Variants in MYO16 observed in about 807,000 individuals in gnomAD.
The protein encoded by MYO16 is unconventional myosin-XVI.
A neutral mutation model predicts 205.3 loss-of-function variants in MYO16; 94 were observed. The observed-to-expected ratio is 0.46, with a 90% confidence interval of 0.39 to 0.54. The LOEUF (loss-of-function observed/expected upper bound fraction) is 0.54, where lower values mean the gene tolerates loss of function less well. Ranked by LOEUF, MYO16 falls within the 20% of genes least tolerant of loss-of-function variation. MYO16 has a pLI of 0.00. For missense variants in MYO16, 2,315 were observed against 2,387.5 expected, an observed-to-expected ratio of 0.97 and a Z score of 0.63; for synonymous variants, 988 against 954.0, an observed-to-expected ratio of 1.04 and a Z score of -0.66.
intron 2 of MYO16, among the ~76,000 whole-genome samples, chr13:108,712,373 G>A (rs1239483850): frequency 6.6e-6 from 1 of 152,212 alleles, no homozygotes; most frequent in Non-Finnish European, 1.5e-5. Flanking sequence ...TACAATGGAT[G>A]AATACACAAG....
chr13:108,675,285 CG>C (rs1566543455), intron 2 of MYO16, among the ~76,000 whole-genome samples: 2 of 152,122 alleles, frequency 1.3e-5, no homozygotes, highest in African/African-American at 4.8e-5. Context: ...TCTAGCCCTC[CG>C]GGGCAGGTTA....
chr13:108,935,373 G>A (rs905952286), intron 16 of MYO16, among the ~76,000 whole-genome samples: 1 of 151,878 alleles, frequency 6.6e-6, no homozygotes, highest in Non-Finnish European at 1.5e-5. Context: ...TTTGCATGTG[G>A]CATTTGTAAA....
intron 4 of MYO16, among the ~76,000 whole-genome samples, chr13:108,732,668 G>A (rs969277814): frequency 3.3e-5 from 5 of 152,186 alleles, no homozygotes; most frequent in Non-Finnish European, 7.3e-5. Context: ...GGTGATTAGG[G>A]AAGCCCTGGG....
chr13:108,875,650 A>G (rs138854056), intron 12 of MYO16, among the ~76,000 whole-genome samples: 149 of 152,282 alleles, frequency 9.8e-4, no homozygotes, highest in African/African-American at 3.3e-3. Flanking sequence ...AAAATTTGGC[A>G]TAAAGAGAAT....
At chr13:109,197,562 G>T (rs915867156) in intron 34 of MYO16, among the ~76,000 whole-genome samples, 2 of 152,078 alleles carry the variant, frequency 1.3e-5, no homozygotes, top group African/African-American at 4.8e-5. Flanking sequence ...CTCATTTTAG[G>T]CTCCAAGGAC....
At chr13:109,163,814 T>C (rs1193989828) in intron 32 of MYO16, 2 of 152,226 alleles carry the variant, frequency 1.3e-5, no homozygotes, top group African/African-American at 4.8e-5. Flanking sequence ...GGATAACATC[T>C]CTGCCTATGG....
chr13:109,192,431 C>A (rs1879961782), intron 34 of MYO16, among the ~76,000 whole-genome samples: 1 of 152,058 alleles, frequency 6.6e-6, no homozygotes, highest in Non-Finnish European at 1.5e-5. Flanking sequence ...GCATTTGTAC[C>A]CACATTATTT....
intron 4 of MYO16, among the ~76,000 whole-genome samples, chr13:108,742,570 A>T (rs1016352238): frequency 2.6e-5 from 4 of 152,198 alleles, no homozygotes; most frequent in African/African-American, 9.7e-5. Flanking sequence ...TCCAAGCACC[A>T]ATGCTCTATA....
At chr13:108,646,825 C>A (rs983671353) in intron 1 of MYO16, among the ~76,000 whole-genome samples, 2 of 152,032 alleles carry the variant, frequency 1.3e-5, no homozygotes, top group African/African-American at 4.8e-5. Flanking sequence ...ATTTTTACAG[C>A]TTTAAAATAT....
At chr13:108,685,621 C>T (rs1456683351) in intron 2 of MYO16, among the ~76,000 whole-genome samples, 3 of 152,166 alleles carry the variant, frequency 2.0e-5, no homozygotes, top group Admixed American at 2.0e-4. Context: ...CTTCAAATAT[C>T]CCGTTCTGGT....
chr13:108,793,068 G>T (rs996988564), intron 5 of MYO16, among the ~76,000 whole-genome samples: 1 of 152,080 alleles, frequency 6.6e-6, no homozygotes, highest in Non-Finnish European at 1.5e-5. Flanking sequence ...AGGATCACGA[G>T]GTCAGGATAT....
chr13:108,690,786 G>T lies in MYO16; in HGVS notation c.293-21875G>T, dbSNP rs150964066. 6.2e-3 allele frequency among the ~76,000 whole-genome samples: 942 copies of T among 152,152 alleles called. 6 individuals carry two copies. The highest frequency in any genetic ancestry group is 0.021 in the African/African-American group (861 of 41,516). On this transcript the variant is annotated intron_variant, in intron 2 of 34. Coordinates refer to ENST00000457511, the MANE Select transcript of MYO16 (RefSeq NM_001198950.3). ...CTGAAAAAAGTATAAGAATTTTCTT[G>T]TAATTATTTTGTTTCTAAAATAAAA... is the stretch of plus-strand genomic sequence containing the variant.
chr13:108,627,498 G>A (rs147381626), upstream of MYO16, among the ~76,000 whole-genome samples: 26 of 152,168 alleles, frequency 1.7e-4, no homozygotes, highest in Admixed American at 2.6e-4. Context: ...TTCATCTGAC[G>A]ATAAGCACTT....
intron 2 of MYO16, among the ~76,000 whole-genome samples, chr13:108,708,473 A>G (rs1883599317): frequency 3.9e-5 from 6 of 152,374 alleles, no homozygotes; most frequent in East Asian, 1.9e-4. Flanking sequence ...TCAAACTTAC[A>G]GAAAACTTTC....
intron 10 of MYO16, among the ~76,000 whole-genome samples, chr13:108,854,154 C>T (rs577755003): frequency 2.6e-5 from 4 of 152,076 alleles, no homozygotes; most frequent in East Asian, 3.9e-4. Context: ...CCACCATGCC[C>T]GGCTAATTTT....
At chr13:108,557,581 C>G in the MYO16 span, among the ~76,000 whole-genome samples, 2 of 152,144 alleles carry the variant, frequency 1.3e-5, no homozygotes, top group African/African-American at 4.8e-5. Context: ...ATCCTCTGAA[C>G]TGGGTCCTTG....
chr13:108,965,827 C>T (rs1883773020), intron 20 of MYO16, among the ~76,000 whole-genome samples: 1 of 152,168 alleles, frequency 6.6e-6, no homozygotes, highest in Admixed American at 6.5e-5. Context: ...TGACCTTGAG[C>T]AGACAATTGA....
chr13:108,796,824 G>A (rs12583147), intron 6 of MYO16, among the ~76,000 whole-genome samples: 7,289 of 147,858 alleles, frequency 0.049, 463 homozygotes, highest in East Asian at 0.23. Context: ...GTAAAATGAC[G>A]AGTTAATGGG....
At chr13:108,865,441 T>C (rs2139123608) in intron 11 of MYO16, among the ~76,000 whole-genome samples, 1 of 152,250 alleles carries the variant, frequency 6.6e-6, no homozygotes, top group South Asian at 2.1e-4. Context: ...AAGCACATTT[T>C]CTATAAATTA....
Sources: allele counts gnomAD v4.1 joint callset (sites outside exome capture counted in the v4.1 genomes callset), GRCh38; gene constraint gnomAD v4.1.1; transcripts MANE v1.5; gene names NCBI Gene and HGNC (gene_info 2026-07-23, HGNC 2026-07-21).